MAML2: variants seen among roughly 807,000 people sequenced by gnomAD.
MAML2 encodes the protein mastermind-like protein 2.
Under a neutral mutation model 96.1 loss-of-function variants are expected in MAML2, and 22 were observed. The ratio of observed to expected loss-of-function variants is 0.23; its 90% CI spans 0.16 to 0.33. MAML2 has a LOEUF of 0.33. Ranked by LOEUF, MAML2 falls within the 10% of genes least tolerant of loss-of-function variation. MAML2 has a pLI of 1.00. For missense variants in MAML2, 1,367 were observed against 1,392.4 expected (o/e 0.98, Z 0.29); for synonymous variants, 561 against 521.3 (o/e 1.08, Z -1.04).
chr11:96,285,892 C>T (rs1252597674), intron 1 of MAML2, among the ~76,000 whole-genome samples: 3 of 152,168 alleles, frequency 2.0e-5, no homozygotes, highest in East Asian at 3.9e-4. Context: ...TAAATTAGTT[C>T]AACCATTGTG....
chr11:96,241,106 C>T (rs575261038), intron 1 of MAML2, among the ~76,000 whole-genome samples: 3 of 152,310 alleles, frequency 2.0e-5, no homozygotes, highest in East Asian at 1.9e-4. Context: ...CCAACACCAT[C>T]GGCTGTTGTG....
chr11:96,182,596 C>A (rs899672768), intron 1 of MAML2, among the ~76,000 whole-genome samples: 1 of 152,166 alleles, frequency 6.6e-6, no homozygotes, highest in African/African-American at 2.4e-5. Context: ...CTAGTGTTTT[C>A]ATTAACAATA....
At chr11:95,997,652 G>T (rs1270389100) in intron 2 of MAML2, among the ~76,000 whole-genome samples, 3 of 152,030 alleles carry the variant, frequency 2.0e-5, no homozygotes, top group African/African-American at 7.2e-5. Context: ...AATCATAATC[G>T]CTTAGTGGGA....
At chr11:96,166,103 T>C (rs1861183981) in intron 1 of MAML2, among the ~76,000 whole-genome samples, 1 of 150,772 alleles carries the variant, frequency 6.6e-6, no homozygotes, top group Non-Finnish European at 1.5e-5. Flanking sequence ...TTTCTCTCTC[T>C]GCCTGTCTCT....
At chr11:96,191,191 C>T (rs995005706) in intron 1 of MAML2, among the ~76,000 whole-genome samples, 11 of 152,194 alleles carry the variant, frequency 7.2e-5, no homozygotes, top group African/African-American at 2.6e-4. Flanking sequence ...CTAGGCCGGG[C>T]GCAGTGGCTC....
intron 2 of MAML2, among the ~76,000 whole-genome samples, chr11:96,054,582 CAGAG>C (rs1040252810): frequency 6.6e-6 from 1 of 152,086 alleles, no homozygotes; most frequent in Non-Finnish European, 1.5e-5. Context: ...AAGGGTCCCT[CAGAG>C]AGAGAGAAAA....
At chr11:96,277,977 A>C (rs1863013653) in intron 1 of MAML2, among the ~76,000 whole-genome samples, 1 of 151,598 alleles carries the variant, frequency 6.6e-6, no homozygotes, top group Non-Finnish European at 1.5e-5. Flanking sequence ...ACACAACAGA[A>C]TCATCTGGAG....
At chr11:96,221,689 C>CTTTT (rs71040137) in intron 1 of MAML2, among the ~76,000 whole-genome samples, 10 of 105,770 alleles carry the variant, frequency 9.5e-5, no homozygotes, top group East Asian at 2.9e-4. Flanking sequence ...TTCAGTCAAG[C>CTTTT]TTTTTTTTTT....
rs570530215 is a variant in MAML2, at chr11:96,062,058, T to C, written c.2139+29834A>G. ...ATATTTTAAAGAAAAAATGATGATTTTAATCATCTTAAAACATTCTACCAC... is the reference window on the plus strand; with the variant it reads ...ATATTTTAAAGAAAAAATGATGATTCTAATCATCTTAAAACATTCTACCAC... On this transcript the variant is annotated intron_variant, in intron 2 of 4. Transcript: ENST00000524717. 2.0e-5 allele frequency among the ~76,000 whole-genome samples: 3 copies of C among 152,328 alleles called. No individual in the cohort carries two copies. In the East Asian group the frequency reaches 5.8e-4, roughly 29 times the overall value.
intron 1 of MAML2, among the ~76,000 whole-genome samples, chr11:96,180,159 G>T (rs1433296455): frequency 2.1e-5 from 3 of 139,740 alleles, no homozygotes; most frequent in Non-Finnish European, 4.8e-5. Context: ...TACCAAAGAA[G>T]CCAAAAAAAA....
At chr11:96,063,125 T>C (rs10831474) in intron 2 of MAML2, among the ~76,000 whole-genome samples, 23,933 of 152,170 alleles carry the variant, frequency 0.16, 2,080 homozygotes, top group Middle Eastern at 0.22. Context: ...ACATTCCTGC[T>C]GTCTCACTTC....
chr11:96,200,113 T>C (rs1861796449), intron 1 of MAML2, among the ~76,000 whole-genome samples: 1 of 152,228 alleles, frequency 6.6e-6, no homozygotes, highest in Admixed American at 6.5e-5. Context: ...TTTAGTTATA[T>C]TATTATCACC....
intron 1 of MAML2, among the ~76,000 whole-genome samples, chr11:96,244,180 T>C (rs1862480593): frequency 6.6e-6 from 1 of 152,248 alleles, no homozygotes. Flanking sequence ...TATTACCCCT[T>C]TTGAGAGCCT....
intron 1 of MAML2, among the ~76,000 whole-genome samples, chr11:96,098,858 AGCTAT>A (rs1033195440): frequency 1.5e-4 from 23 of 152,352 alleles, no homozygotes; most frequent in African/African-American, 5.1e-4. Flanking sequence ...CTTTTTAAGT[AGCTAT>A]GCTTCACTTT....
intron 1 of MAML2, among the ~76,000 whole-genome samples, chr11:96,272,163 C>A (rs900797807): frequency 6.6e-6 from 1 of 151,516 alleles, no homozygotes; most frequent in Non-Finnish European, 1.5e-5. Context: ...CACCATCCAA[C>A]ATCCTATGCA....
chr11:96,229,739 A>C (rs527597105), intron 1 of MAML2, among the ~76,000 whole-genome samples: 4 of 152,194 alleles, frequency 2.6e-5, no homozygotes, highest in African/African-American at 9.6e-5. Flanking sequence ...GCAATACCAT[A>C]AATTTGAAAT....
At chr11:96,121,050 C>G (rs776334471) in intron 1 of MAML2, among the ~76,000 whole-genome samples, 3 of 147,852 alleles carry the variant, frequency 2.0e-5, no homozygotes, top group Non-Finnish European at 4.5e-5. Context: ...TCATAACTAA[C>G]GAAAAAGTAG....
intron 2 of MAML2, among the ~76,000 whole-genome samples, chr11:96,076,614 G>A (rs1394147225): frequency 6.6e-6 from 1 of 152,150 alleles, no homozygotes; most frequent in African/African-American, 2.4e-5. Context: ...TCACTCCCAA[G>A]GAACAGCCTG....
intron 1 of MAML2, among the ~76,000 whole-genome samples, chr11:96,097,636 G>A (rs1340523205): frequency 2.0e-5 from 3 of 152,066 alleles, no homozygotes; most frequent in African/African-American, 7.2e-5. Context: ...TAAGATTTTA[G>A]GTTAAAGAAC....
Sources: allele counts gnomAD v4.1 joint callset (sites outside exome capture counted in the v4.1 genomes callset), GRCh38; gene constraint gnomAD v4.1.1; transcripts MANE v1.5; gene names NCBI Gene and HGNC (gene_info 2026-07-23, HGNC 2026-07-21).